Variants in MAPK10 observed in about 807,000 individuals in gnomAD.
MAPK10 encodes JNK3 alpha protein kinase.
A neutral mutation model predicts 59.3 loss-of-function variants in MAPK10; 25 were observed. That is an observed-to-expected ratio of 0.42 (90% confidence interval 0.31 to 0.59). The LOEUF (loss-of-function observed/expected upper bound fraction) is 0.59. MAPK10 is among the 20% of genes least tolerant of loss of function. The pLI, the probability that MAPK10 is intolerant of heterozygous loss-of-function variation, is 0.15. For synonymous variants in MAPK10, 190 were observed against 200.5 expected, an observed-to-expected ratio of 0.95 and a Z score of 0.44; for missense variants, 351 against 568.9, an observed-to-expected ratio of 0.62 and a Z score of 3.90.
rs202109645 is a variant in MAPK10 at position 86,015,003 on chromosome 4, GTT to G, written c.*2223_*2224del. ...AGAATTAGAGATACAGAGAGGAGAAGTTTTTAAAAAAAAAAAAAAAAAACAGG... is the reference window on the plus strand; with the variant it reads ...AGAATTAGAGATACAGAGAGGAGAAGTTTAAAAAAAAAAAAAAAAAACAGG... On this transcript the variant is annotated 3_prime_UTR_variant, in exon 14 of 14. Transcript: ENST00000641462. The G allele has an allele frequency of 6.4e-4, 68 of 106,690 alleles. No homozygotes were observed. The highest frequency in any genetic ancestry group is 3.0e-3 in the African/African-American group (62 of 20,784). 6.6% of individuals were successfully genotyped at this position (106,690 alleles called of 1,614,324 possible).
intron 2 of MAPK10, among the ~76,000 whole-genome samples, chr4:86,266,457 A>G (rs1369059796): frequency 6.6e-6 from 1 of 152,170 alleles, no homozygotes; most frequent in Non-Finnish European, 1.5e-5. Context: ...ACTAACTGGC[A>G]ATAATATTTG....
chr4:86,030,491 C>T (rs897079491), intron 12 of MAPK10, among the ~76,000 whole-genome samples: 5 of 151,638 alleles, frequency 3.3e-5, no homozygotes, highest in African/African-American at 9.7e-5. Flanking sequence ...CCACTATGCC[C>T]GGCTAATTTT....
chr4:86,112,731 ACTT>A (rs1417876361), intron 4 of MAPK10, among the ~76,000 whole-genome samples: 2 of 152,108 alleles, frequency 1.3e-5, no homozygotes, highest in Non-Finnish European at 2.9e-5. Context: ...TATCAGGTCC[ACTT>A]GATCCAGAGC....
chr4:86,160,189 T>C (rs2069104799), intron 3 of MAPK10: 1 of 151,800 alleles, frequency 6.6e-6, no homozygotes, highest in African/African-American at 2.4e-5. Flanking sequence ...TAGTAATTGA[T>C]GAGTCTGTCT....
chr4:86,307,238 T>A (rs1050930005), intron 2 of MAPK10, among the ~76,000 whole-genome samples: 5 of 152,154 alleles, frequency 3.3e-5, no homozygotes, highest in Admixed American at 6.5e-5. Flanking sequence ...AAGGACTCCA[T>A]GGGCTCACAT....
At chr4:86,581,912 T>G (rs1290881499) in intron 1 of MAPK10, among the ~76,000 whole-genome samples, 2 of 16,966 alleles carry the variant, frequency 1.2e-4, no homozygotes, top group Admixed American at 5.4e-4. Flanking sequence ...TATATATATA[T>G]ATATATATAT....
chr4:86,319,936 A>G (rs935538788), intron 2 of MAPK10, among the ~76,000 whole-genome samples: 7 of 152,220 alleles, frequency 4.6e-5, no homozygotes, highest in African/African-American at 1.4e-4. Context: ...CTGTCCCTCT[A>G]AAGTGACTTC....
chr4:86,380,690 C>G (rs1359137407), intron 1 of MAPK10, among the ~76,000 whole-genome samples: 2 of 151,950 alleles, frequency 1.3e-5, no homozygotes, highest in South Asian at 2.1e-4. Context: ...ATGATAAATA[C>G]ATTATGCATG....
At chr4:86,143,789 T>C (rs972590157) in intron 4 of MAPK10, among the ~76,000 whole-genome samples, 2 of 152,154 alleles carry the variant, frequency 1.3e-5, no homozygotes, top group African/African-American at 2.4e-5. Flanking sequence ...TATGAGGAAA[T>C]ACACATGAAA....
At chr4:86,492,418 C>T (rs185919729) in intron 1 of MAPK10, among the ~76,000 whole-genome samples, 2 of 152,142 alleles carry the variant, frequency 1.3e-5, no homozygotes, top group Non-Finnish European at 2.9e-5. Context: ...ATTCTTCTTG[C>T]CAAATAAAAA....
intron 7 of MAPK10, among the ~76,000 whole-genome samples, chr4:86,101,673 G>C (rs1324930035): frequency 1.3e-5 from 2 of 152,144 alleles, no homozygotes; most frequent in African/African-American, 4.8e-5. Flanking sequence ...AGGCTTCTAA[G>C]AAGCTGCATC....
chr4:86,176,821 A>T (rs1461291310), intron 3 of MAPK10, among the ~76,000 whole-genome samples: 1 of 152,098 alleles, frequency 6.6e-6, no homozygotes. Flanking sequence ...AATCTCTGTG[A>T]TTTATTTCAA....
chr4:86,560,944 C>T (rs1428650045), intron 1 of MAPK10, among the ~76,000 whole-genome samples: 2 of 152,224 alleles, frequency 1.3e-5, no homozygotes, highest in African/African-American at 4.8e-5. Context: ...AAATCCTGCT[C>T]ACATGTATTA....
rs191219268 is a variant in MAPK10, at chr4:86,469,148, C to A, written c.-262-114504G>T. ...GTTGCCATTAGAATTGTGATCAATT[C>A]TAGCTACTTGGGAAGCTGAGGTGGT... On this transcript the variant is annotated intron_variant, in intron 1 of 4. Coordinates refer to the MAPK10 transcript ENST00000502302. Among the ~76,000 whole-genome samples the A allele has an allele frequency of 1.8e-3, 274 of 151,930 alleles. 1 individual carries two copies. Among genetic ancestry groups the A allele is most frequent in the African/African-American group, 5.9e-3 (245 of 41,438 alleles).
intron 1 of MAPK10, among the ~76,000 whole-genome samples, chr4:86,564,072 T>TC (rs1450318033): frequency 6.6e-6 from 1 of 152,190 alleles, no homozygotes; most frequent in Non-Finnish European, 1.5e-5. Flanking sequence ...CCTCAGGTGA[T>TC]CAGTCACCCT....
intron 9 of MAPK10, among the ~76,000 whole-genome samples, chr4:86,093,107 G>A (rs904196394): frequency 3.3e-5 from 5 of 151,958 alleles, no homozygotes; most frequent in African/African-American, 1.2e-4. Context: ...ATTATACAAT[G>A]TAAGCCCTGG....
At chr4:86,227,474 G>T (rs1282080508) in intron 2 of MAPK10, among the ~76,000 whole-genome samples, 2 of 142,800 alleles carry the variant, frequency 1.4e-5, no homozygotes, top group Non-Finnish European at 3.0e-5. Context: ...GCGACAGAGC[G>T]AGACTCCCTC....
At chr4:86,143,872 G>GA (rs1353494962) in intron 4 of MAPK10, among the ~76,000 whole-genome samples, 2 of 151,828 alleles carry the variant, frequency 1.3e-5, no homozygotes, top group Admixed American at 6.6e-5. Flanking sequence ...TATTTTATGA[G>GA]AAAAAAAATC....
intron 5 of MAPK10, 68 bp downstream of exon 5, chr4:86,107,155 C>A: frequency 7.7e-7 from 1 of 1,302,014 alleles, no homozygotes; most frequent in Non-Finnish European, 1.1e-6. Flanking sequence ...TACTCAAGTA[C>A]AGACACATTT....
Sources: gnomAD v4.1 joint callset for allele counts (sites outside exome capture counted in the v4.1 genomes callset) on GRCh38, gnomAD v4.1.1 for gene constraint, MANE v1.5 for transcripts, NCBI Gene and HGNC (gene_info 2026-07-23, HGNC 2026-07-21) for gene names.